Variants in CNTLN observed in about 807,000 individuals in gnomAD.
CNTLN encodes centlein, centrosomal protein.
Under a neutral mutation model 180.0 loss-of-function variants are expected in CNTLN, and 212 were observed. The ratio of observed to expected loss-of-function variants is 1.18; its 90% CI spans 1.05 to 1.32. The LOEUF (loss-of-function observed/expected upper bound fraction) is 1.32, where lower values mean the gene tolerates loss of function less well. Ranked by LOEUF, CNTLN falls within the 40% of genes most tolerant of loss-of-function variation. The pLI is 0.00. For missense variants in CNTLN, 2,095 were observed against 1,610.9 expected, an observed-to-expected ratio of 1.30 and a Z score of -5.14; for synonymous variants, 722 against 563.1, an observed-to-expected ratio of 1.28 and a Z score of -3.99.
At chr9:17,277,693 G>C (rs1828399100) in intron 6 of CNTLN, among the ~76,000 whole-genome samples, 1 of 151,904 alleles carries the variant, frequency 6.6e-6, no homozygotes, top group Admixed American at 6.6e-5. Flanking sequence ...GTGGATACAT[G>C]GTCAGTATAT....
chr9:17,349,677 A>G (rs146218375), intron 12 of CNTLN, among the ~76,000 whole-genome samples: 2,505 of 152,248 alleles, frequency 0.016, 35 homozygotes, highest in Non-Finnish European at 0.024. Context: ...TATAGTTCCT[A>G]TAATATTTCA....
intron 14 of CNTLN, among the ~76,000 whole-genome samples, chr9:17,389,468 C>T (rs1440494379): frequency 6.6e-6 from 1 of 152,100 alleles, no homozygotes; most frequent in Non-Finnish European, 1.5e-5. Context: ...GCCATTATTT[C>T]ATTCCATCTG....
intron 5 of CNTLN, among the ~76,000 whole-genome samples, chr9:17,237,034 C>T (rs75270810): frequency 0.049 from 7,399 of 151,932 alleles, 238 homozygotes; most frequent in East Asian, 0.17. Flanking sequence ...CTTTCTTTGA[C>T]TTTAAAGGTG....
rs1808985566 is a variant in CNTLN, at chr9:17,352,344, A to T, written c.1886+9900A>T. 2.7e-5 allele frequency among the ~76,000 whole-genome samples: 4 copies of T among 147,516 alleles called. No individual in the cohort carries two copies. The Admixed American group carries it at 2.7e-4, about 10-fold the overall frequency. On this transcript the variant is annotated intron_variant, in intron 12 of 25. Coordinates refer to ENST00000380647, the MANE Select transcript of CNTLN (RefSeq NM_017738.4). Reference sequence around the variant, plus strand: ...ATTATCCTAGGAAAGTTCAGCCATTATTTTTTTCCTCTGCAAAGCAAGACT... The same window carrying T: ...ATTATCCTAGGAAAGTTCAGCCATTTTTTTTTTCCTCTGCAAAGCAAGACT...
intron 2 of CNTLN, among the ~76,000 whole-genome samples, chr9:17,153,480 G>T (rs924238975): frequency 1.3e-5 from 2 of 152,152 alleles, no homozygotes; most frequent in African/African-American, 4.8e-5. Context: ...ATTGAATATT[G>T]GCCTTAACTC....
At chr9:17,251,230 A>C (rs1826120904) in intron 5 of CNTLN, among the ~76,000 whole-genome samples, 1 of 151,894 alleles carries the variant, frequency 6.6e-6, no homozygotes, top group African/African-American at 2.4e-5. Context: ...TCTCAACATG[A>C]ATCTATTTTG....
At chr9:17,279,957 C>T (rs1202049412) in intron 6 of CNTLN, among the ~76,000 whole-genome samples, 2 of 152,158 alleles carry the variant, frequency 1.3e-5, no homozygotes, top group Non-Finnish European at 2.9e-5. Context: ...AGCTAGTATG[C>T]TCAGCTTCTT....
At chr9:17,425,709 G>C (rs1263195169) in intron 18 of CNTLN, among the ~76,000 whole-genome samples, 1 of 152,132 alleles carries the variant, frequency 6.6e-6, no homozygotes, top group East Asian at 1.9e-4. Flanking sequence ...CTGGAAACTA[G>C]AGGAAAAGCA....
At position 17,273,616 on chromosome 9, in the gene CNTLN, TG is replaced by T. The variant is rs574236540; in HGVS notation, c.850-116del. The T allele has an allele frequency of 3.3e-4, 176 of 531,270 alleles. No individual in the cohort carries two copies. The African/African-American group carries it at 3.6e-3, about 11-fold the overall frequency. 32.9% of individuals were successfully genotyped at this position (531,270 alleles called of 1,614,324 possible). On this transcript the variant is annotated intron_variant, in intron 5 of 25. Coordinates refer to ENST00000380647, the MANE Select transcript of CNTLN (RefSeq NM_017738.4). ...TTGTGTTAAAATTATTTTAAGTAAGTGAAAAAATTAAAACTATTTTTCTCTG... is the reference window on the plus strand; with the variant it reads ...TTGTGTTAAAATTATTTTAAGTAAGTAAAAAATTAAAACTATTTTTCTCTG...
At chr9:17,162,137 C>G (rs1819724479) in intron 2 of CNTLN, among the ~76,000 whole-genome samples, 2 of 151,518 alleles carry the variant, frequency 1.3e-5, no homozygotes, top group Admixed American at 1.3e-4. Flanking sequence ...TTTTTTGAGA[C>G]AGAGTCTCGC....
intron 25 of CNTLN, among the ~76,000 whole-genome samples, chr9:17,497,209 G>A (rs1292737927): frequency 6.6e-6 from 1 of 152,110 alleles, no homozygotes; most frequent in East Asian, 1.9e-4. Context: ...TGACTTGATA[G>A]GAGTGGAAAA....
intron 13 of CNTLN, among the ~76,000 whole-genome samples, chr9:17,379,445 T>C (rs1825048990): frequency 6.6e-6 from 1 of 152,168 alleles, no homozygotes. Context: ...ACCCAGGGTA[T>C]GTCTCCTTAA....
intron 18 of CNTLN, among the ~76,000 whole-genome samples, chr9:17,433,705 G>T (rs913848627): frequency 1.4e-4 from 21 of 151,994 alleles, no homozygotes; most frequent in African/African-American, 4.1e-4. Flanking sequence ...ATGGCTCACT[G>T]TAACCTCAAA....
intron 3 of CNTLN, among the ~76,000 whole-genome samples, chr9:17,234,213 G>C (rs908274892): frequency 2.0e-5 from 3 of 152,042 alleles, no homozygotes; most frequent in Non-Finnish European, 2.9e-5. Flanking sequence ...TCTCAGCGGG[G>C]CCAAGCTGGG....
chr9:17,494,999 C>T, intron 25 of CNTLN: 2 of 438,432 alleles, frequency 4.6e-6, no homozygotes, highest in Non-Finnish European at 4.5e-6. Context: ...CTGCCTCAGC[C>T]TCCTGAGTAG....
chr9:17,314,890 T>G (rs1176336290), intron 8 of CNTLN, among the ~76,000 whole-genome samples: 1 of 152,228 alleles, frequency 6.6e-6, no homozygotes, highest in East Asian at 1.9e-4. Context: ...TTTGACTTTT[T>G]AAAGACTATT....
At chr9:17,208,496 G>C (rs1197172931) in intron 2 of CNTLN, among the ~76,000 whole-genome samples, 1 of 152,146 alleles carries the variant, frequency 6.6e-6, no homozygotes, top group Non-Finnish European at 1.5e-5. Context: ...GAATGAATTT[G>C]GAAGTGTTCT....
intron 6 of CNTLN, among the ~76,000 whole-genome samples, chr9:17,284,083 G>A (rs1176149476): frequency 3.3e-5 from 5 of 151,968 alleles, no homozygotes; most frequent in East Asian, 3.9e-4. Context: ...GTACAATGGC[G>A]TGACCTTGGC....
intron 6 of CNTLN, among the ~76,000 whole-genome samples, chr9:17,294,229 G>A (rs1351477708): frequency 6.6e-6 from 1 of 151,976 alleles, no homozygotes; most frequent in Non-Finnish European, 1.5e-5. Context: ...TCCACAGTGT[G>A]GAAGGGGACC....
Sources: gnomAD v4.1 joint callset for allele counts (sites outside exome capture counted in the v4.1 genomes callset) on GRCh38, gnomAD v4.1.1 for gene constraint, MANE v1.5 for transcripts, NCBI Gene and HGNC (gene_info 2026-07-23, HGNC 2026-07-21) for gene names.